PCDH15: variants seen among roughly 807,000 people sequenced by gnomAD.
PCDH15 encodes protocadherin related 15.
A neutral mutation model predicts 178.5 loss-of-function variants in PCDH15; 129 were observed. That is an observed-to-expected ratio of 0.72 (90% confidence interval 0.63 to 0.84). PCDH15 has a LOEUF of 0.84. PCDH15 is among the 40% of genes least tolerant of loss of function. The pLI is 0.00. For missense variants in PCDH15, 2,230 were observed against 2,099.9 expected (o/e 1.06, Z -1.21); for synonymous variants, 800 against 732.0 (o/e 1.09, Z -1.50).
rs574894594 is a variant in PCDH15, at chr10:54,198,781, G to A, written c.1099-2892C>T. Among the ~76,000 whole-genome samples the A allele has an allele frequency of 5.2e-5, 5 of 95,284 alleles. 1 individual carries two copies. Among genetic ancestry groups the A allele is most frequent in the East Asian group, 2.4e-4 (1 of 4,204 alleles). The allele number at this position is 95,284 out of a possible 152,430, so 62.5% of individuals were successfully genotyped here. A position where few individuals can be genotyped will look rare whatever the true frequency, so the allele number is the denominator to read the frequency against. ...CTCCCAAAGTGCTGGGATTACAGGC[G>A]TGAGCCAATAACCAGCATGTCATAT... On this transcript the variant is annotated intron_variant, in intron 10 of 37. Coordinates refer to ENST00000644397, the MANE Select transcript of PCDH15 (RefSeq NM_001384140.1).
chr10:55,394,547 G>A (rs907655579), intron 2 of PCDH15, among the ~76,000 whole-genome samples: 6 of 152,034 alleles, frequency 3.9e-5, no homozygotes, highest in African/African-American at 7.2e-5. Flanking sequence ...AGGATTGAAA[G>A]CCTCCAATTC....
intron 2 of PCDH15, among the ~76,000 whole-genome samples, chr10:55,039,053 A>T (rs1840804430): frequency 6.6e-6 from 1 of 152,104 alleles, no homozygotes; most frequent in Admixed American, 6.6e-5. Context: ...CTCATTAATT[A>T]TCCCATATCT....
chr10:54,715,427 G>A (rs2095469055), intron 1 of PCDH15, among the ~76,000 whole-genome samples: 1 of 152,038 alleles, frequency 6.6e-6, no homozygotes, highest in Non-Finnish European at 1.5e-5. Flanking sequence ...TCAGCCACTC[G>A]GAAATAGCAA....
At chr10:55,176,619 T>G (rs1271753863) in intron 1 of PCDH15, among the ~76,000 whole-genome samples, 3 of 152,122 alleles carry the variant, frequency 2.0e-5, no homozygotes, top group Non-Finnish European at 4.4e-5. Flanking sequence ...GCCCTGATAT[T>G]GAGGGTACAG....
chr10:53,835,160 T>A (rs913978661), intron 29 of PCDH15, among the ~76,000 whole-genome samples: 14 of 152,202 alleles, frequency 9.2e-5, no homozygotes, highest in African/African-American at 3.4e-4. Flanking sequence ...TATAGTTTTT[T>A]ACTTAGAACA....
intron 2 of PCDH15, among the ~76,000 whole-genome samples, chr10:55,437,100 T>G (rs7904392): frequency 6.6e-6 from 1 of 152,156 alleles, no homozygotes; most frequent in African/African-American, 2.4e-5. Context: ...ATAATGATGG[T>G]CATACAATTT....
intron 18 of PCDH15, among the ~76,000 whole-genome samples, chr10:54,024,902 T>C (rs1230594167): frequency 6.6e-6 from 1 of 152,084 alleles, no homozygotes; most frequent in African/African-American, 2.4e-5. Context: ...ATCAAGTAAA[T>C]AGATAAAATT....
intron 30 of PCDH15, among the ~76,000 whole-genome samples, chr10:53,830,127 C>A (rs939966849): frequency 3.3e-5 from 5 of 151,966 alleles, no homozygotes; most frequent in African/African-American, 9.7e-5. Context: ...CATGGTGAAA[C>A]CCCGTCTCTA....
At chr10:54,008,987 T>G (rs1284125834) in intron 20 of PCDH15, among the ~76,000 whole-genome samples, 1 of 152,194 alleles carries the variant, frequency 6.6e-6, no homozygotes, top group African/African-American at 2.4e-5. Flanking sequence ...CTAAATGTTA[T>G]AACACAATAG....
intron 3 of PCDH15, among the ~76,000 whole-genome samples, chr10:54,856,859 C>T (rs1953750241): frequency 6.6e-6 from 1 of 152,190 alleles, no homozygotes; most frequent in South Asian, 2.1e-4. Flanking sequence ...AATCAAACAT[C>T]ACAAGAAATC....
chr10:54,358,795 A>C (rs929385925), intron 5 of PCDH15, among the ~76,000 whole-genome samples: 2 of 151,948 alleles, frequency 1.3e-5, no homozygotes, highest in Non-Finnish European at 1.5e-5. Flanking sequence ...GATTAAGAAA[A>C]TGTGGCACAT....
At chr10:55,248,892 C>T (rs375075684) in intron 1 of PCDH15, among the ~76,000 whole-genome samples, 1 of 152,116 alleles carries the variant, frequency 6.6e-6, no homozygotes, top group Non-Finnish European at 1.5e-5. Context: ...TTTAATGCAA[C>T]CCCATTCAAA....
intron 3 of PCDH15, among the ~76,000 whole-genome samples, chr10:54,885,152 C>A (rs951564395): frequency 2.6e-5 from 4 of 151,662 alleles, no homozygotes; most frequent in Non-Finnish European, 5.9e-5. Context: ...ATTAAATGAC[C>A]AAAAATCAAG....
At chr10:54,497,243 GA>G (rs76984542) in intron 3 of PCDH15, among the ~76,000 whole-genome samples, 18,678 of 137,578 alleles carry the variant, frequency 0.14, 1,590 homozygotes, top group Admixed American at 0.29. Flanking sequence ...TGTACCACAG[GA>G]AAAAAAAAAA....
intron 2 of PCDH15, among the ~76,000 whole-genome samples, chr10:54,553,100 C>A (rs1360785432): frequency 6.6e-6 from 1 of 152,162 alleles, no homozygotes; most frequent in Non-Finnish European, 1.5e-5. Context: ...CCCATTCTGA[C>A]CTCTTTTAAA....
chr10:55,313,465 G>T (rs896862109), intron 1 of PCDH15, among the ~76,000 whole-genome samples: 3 of 152,128 alleles, frequency 2.0e-5, no homozygotes, highest in Non-Finnish European at 4.4e-5. Flanking sequence ...TTGTGTAAAG[G>T]TTACCCTTTG....
At chr10:53,840,791 T>G (rs1315109505) in intron 28 of PCDH15, among the ~76,000 whole-genome samples, 1 of 152,190 alleles carries the variant, frequency 6.6e-6, no homozygotes. Context: ...ATGCCAAATA[T>G]GCTGTACAAA....
intron 13 of PCDH15, among the ~76,000 whole-genome samples, chr10:54,168,866 T>C (rs2046549388): frequency 1.3e-5 from 2 of 152,056 alleles, no homozygotes; most frequent in African/African-American, 2.4e-5. Flanking sequence ...CAGGATTTAA[T>C]TAACCTCGCC....
At chr10:54,765,653 T>C (rs1948424056) in intron 1 of PCDH15, among the ~76,000 whole-genome samples, 1 of 152,174 alleles carries the variant, frequency 6.6e-6, no homozygotes, top group Non-Finnish European at 1.5e-5. Flanking sequence ...TGCCATTCTT[T>C]ATGCAAAGTA....
Sources: allele counts gnomAD v4.1 joint callset (sites outside exome capture counted in the v4.1 genomes callset), GRCh38; gene constraint gnomAD v4.1.1; transcripts MANE v1.5; gene names NCBI Gene and HGNC (gene_info 2026-07-23, HGNC 2026-07-21).